Variants in XXYLT1 observed in about 807,000 individuals in gnomAD.
XXYLT1 encodes UDP-xylose:alpha-xyloside alpha-1,3-xylosyltransferase.
A neutral mutation model predicts 28.9 loss-of-function variants in XXYLT1; 20 were observed. The observed-to-expected ratio is 0.69, with a 90% CI of 0.49 to 1.00. The LOEUF (loss-of-function observed/expected upper bound fraction) is 1.00. Ranked by LOEUF, XXYLT1 falls within the 50% of genes least tolerant of loss-of-function variation. The probability of loss-of-function intolerance (pLI) is 0.00; values close to 1 mark genes in which losing one functional copy is unlikely to be tolerated. For synonymous variants in XXYLT1, 257 were observed against 253.8 expected, an observed-to-expected ratio of 1.01 and a Z score of -0.12; for missense variants, 542 against 560.1, an observed-to-expected ratio of 0.97 and a Z score of 0.33.
chr3:195,223,665 T>C (rs1408346442), intron 2 of XXYLT1, among the ~76,000 whole-genome samples: 1 of 152,100 alleles, frequency 6.6e-6, no homozygotes, highest in Non-Finnish European at 1.5e-5. Context: ...CAGAGTGTCC[T>C]TCCAAAAACT....
At chr3:195,103,636 T>G (rs1308048123) in intron 3 of XXYLT1, among the ~76,000 whole-genome samples, 1 of 152,186 alleles carries the variant, frequency 6.6e-6, no homozygotes, top group Non-Finnish European at 1.5e-5. Flanking sequence ...TTACCTAGAC[T>G]CAGATAAATG....
At chr3:195,175,760 C>A in intron 2 of XXYLT1, 1 of 1,524,216 alleles carries the variant, frequency 6.6e-7, no homozygotes, top group Non-Finnish European at 8.8e-7. Flanking sequence ...AGGGCCTCAG[C>A]CACTGCTCCC....
chr3:195,254,282 C>T (rs1167847560), intron 1 of XXYLT1, among the ~76,000 whole-genome samples: 1 of 152,244 alleles, frequency 6.6e-6, no homozygotes, highest in Non-Finnish European at 1.5e-5. Flanking sequence ...GCAGCAGAAA[C>T]AACACGCCCC....
chr3:195,156,403 G>C, intron 3 of XXYLT1, 46 bp downstream of exon 3: 3 of 1,600,364 alleles, frequency 1.9e-6, no homozygotes, highest in Non-Finnish European at 2.6e-6. Context: ...GAGGGTGAAG[G>C]GTGGGGAGGG....
At chr3:195,146,038 A>G (rs1719827541) in intron 3 of XXYLT1, among the ~76,000 whole-genome samples, 1 of 152,214 alleles carries the variant, frequency 6.6e-6, no homozygotes, top group South Asian at 2.1e-4. Context: ...TGATATTTCT[A>G]TAAGAGCCAA....
At chr3:195,216,428 GA>G (rs1170351992) in intron 2 of XXYLT1, among the ~76,000 whole-genome samples, 6 of 148,956 alleles carry the variant, frequency 4.0e-5, no homozygotes, top group African/African-American at 1.5e-4. Context: ...GACTAATAAA[GA>G]AAAAAAGAGA....
chr3:195,155,650 C>T (rs1234598343), intron 3 of XXYLT1, among the ~76,000 whole-genome samples: 3 of 149,240 alleles, frequency 2.0e-5, no homozygotes, highest in Non-Finnish European at 4.5e-5. Flanking sequence ...AGCCAACCCA[C>T]CCCCACGCCC....
intron 3 of XXYLT1, among the ~76,000 whole-genome samples, chr3:195,080,990 C>T (rs918650665): frequency 3.3e-5 from 5 of 152,220 alleles, no homozygotes; most frequent in African/African-American, 9.6e-5. Flanking sequence ...TGTCCCTGAT[C>T]GCTGTCCTAC....
chr3:195,071,959 G>C (rs185537395), intron 3 of XXYLT1, among the ~76,000 whole-genome samples: 1 of 152,080 alleles, frequency 6.6e-6, no homozygotes, highest in Non-Finnish European at 1.5e-5. Flanking sequence ...ACCTGTGGCC[G>C]CCGAGGTCCT....
At chr3:195,086,110 C>T (rs1715713823) in intron 3 of XXYLT1, 1 of 152,622 alleles carries the variant, frequency 6.6e-6, no homozygotes, top group African/African-American at 2.4e-5. Context: ...CACCCCCAAA[C>T]ACCCAGCTTG....
intron 1 of XXYLT1, among the ~76,000 whole-genome samples, chr3:195,235,891 T>C (rs912229218): frequency 6.9e-6 from 1 of 144,720 alleles, no homozygotes; most frequent in African/African-American, 2.6e-5. Flanking sequence ...TCTATAAATA[T>C]ATAGACATAG....
intron 1 of XXYLT1, among the ~76,000 whole-genome samples, chr3:195,253,905 C>T (rs900735631): frequency 3.9e-5 from 6 of 152,230 alleles, no homozygotes; most frequent in Admixed American, 1.3e-4. Context: ...CCTCTGCAAA[C>T]GCTGCTCAGC....
At chr3:195,107,442 T>C (rs28625881) in intron 3 of XXYLT1, among the ~76,000 whole-genome samples, 78,221 of 114,744 alleles carry the variant, frequency 0.68, 27,306 homozygotes, top group Middle Eastern at 0.73. Flanking sequence ...CCACTGCACT[T>C]CAGCCTGGGC....
chr3:195,169,084 G>A (rs13318656), intron 2 of XXYLT1, among the ~76,000 whole-genome samples: 1 of 152,358 alleles, frequency 6.6e-6, no homozygotes, highest in Middle Eastern at 3.4e-3. Context: ...TCTTTTGGGC[G>A]AATGCAGTAA....
Position 195,255,633 on chromosome 3 carries a change from G to A in XXYLT1, c.504+14922C>T, listed in dbSNP as rs1032535649. Among the ~76,000 whole-genome samples the A allele has an allele frequency of 2.0e-5, 3 of 152,330 alleles. No homozygotes were observed. Among genetic ancestry groups the A allele is most frequent in the East Asian group, 1.9e-4 (1 of 5,176 alleles). On this transcript the variant is annotated intron_variant, in intron 1 of 3. Transcript: ENST00000310380. The surrounding 1 kb of genome is among the most constrained non-coding windows in gnomAD (Gnocchi z 4.5). ...AACCGGCGCACAGAGCAAGCACAGC[G>A]TAGAACTGGCTTCCGAACACAAGGG...
intron 3 of XXYLT1, among the ~76,000 whole-genome samples, chr3:195,125,593 C>T (rs141290370): frequency 4.8e-4 from 73 of 152,342 alleles, no homozygotes; most frequent in Middle Eastern, 6.8e-3. Context: ...AAAACTCTTT[C>T]GGTGGGGGGT....
chr3:195,094,486 C>T (rs62290284), intron 3 of XXYLT1: 24,048 of 153,918 alleles, frequency 0.16, 2,142 homozygotes, highest in East Asian at 0.24. Flanking sequence ...CATGGGAGTC[C>T]GGTCGGCAGA....
At position 195,252,692 on chromosome 3, in the gene XXYLT1, CCACACACACA is replaced by C. The variant is rs774827660; in HGVS notation, c.504+17853_504+17862del. ...GAACAATTCAAAAGAAGAAAAAAAA[CCACACACACA>C]CACACACACACACACACACACACAC... On this transcript the variant is annotated intron_variant, in intron 1 of 3. Transcript: ENST00000310380. Among the ~76,000 whole-genome samples the C allele has an allele frequency of 3.9e-3, 330 of 84,190 alleles. 2 individuals are homozygous for C. Among genetic ancestry groups the C allele is most frequent in the African/African-American group, 0.014 (314 of 22,184 alleles). 55.2% of individuals were successfully genotyped at this position (84,190 alleles called of 152,430 possible). A position where few individuals can be genotyped will look rare whatever the true frequency, so the allele number is the denominator to read the frequency against.
intron 3 of XXYLT1, chr3:195,152,916 C>A (rs1158016475): frequency 6.6e-6 from 1 of 152,220 alleles, no homozygotes; most frequent in Non-Finnish European, 1.5e-5. Flanking sequence ...CTAGCATGTT[C>A]TTCTTAAAAT....
Sources: allele counts gnomAD v4.1 joint callset (sites outside exome capture counted in the v4.1 genomes callset), GRCh38; gene constraint gnomAD v4.1.1; non-coding constraint Gnocchi (gnomAD v3.1); transcripts MANE v1.5; gene names NCBI Gene and HGNC (gene_info 2026-07-23, HGNC 2026-07-21).